OSGEPL1: variants seen among roughly 807,000 people sequenced by gnomAD.
The protein encoded by OSGEPL1 is tRNA N6-adenosine threonylcarbamoyltransferase, mitochondrial.
OSGEPL1 carries 26 observed loss-of-function variants against 37.2 expected under a neutral mutation model. The observed-to-expected ratio is 0.70, with a 90% CI of 0.51 to 0.97. OSGEPL1 has a LOEUF of 0.97. Ranked by LOEUF, OSGEPL1 falls within the 50% of genes least tolerant of loss-of-function variation. The pLI is 0.00. For synonymous variants in OSGEPL1, 140 were observed against 159.9 expected (o/e 0.88, Z 0.94); for missense variants, 404 against 487.0 (o/e 0.83, Z 1.60).
chr2:189,761,667 A>T lies in OSGEPL1; in HGVS notation c.-20-7T>A. ...CTTACTCTATAGATAATTCCTGAAA[A>T]AGAATTACAGAAACAACTTATTATT... On this transcript the variant is annotated splice_region_variant and splice_polypyrimidine_tract_variant and intron_variant, in intron 1 of 8. Transcript: ENST00000264151. The T allele has an allele frequency of 6.6e-7, 1 of 1,510,488 alleles. No individual in the cohort carries two copies. The highest frequency in any genetic ancestry group is 8.8e-7 in the Non-Finnish European group (1 of 1,133,522). 93.6% of individuals were successfully genotyped at this position (1,510,488 alleles called of 1,614,324 possible).
In OSGEPL1 at chr2:189,761,467, T is replaced by G; in HGVS notation, c.174A>C (p.Gly58=). ...AATGTATTGCTTCTCCCAACACATT[T>G]CCAGTTTCATCCACCACAGCAGCTG... The part of the protein sequence containing the change: ...DTAAAVVDET[G]NVLGEAIHSQ... The change falls in exon 2 of 9, where the codon GGA becomes GGC. Residue 58 remains glycine (G), a synonymous_variant. Coordinates refer to ENST00000264151, the MANE Select transcript of OSGEPL1 (RefSeq NM_022353.3). 1 of 1,612,598 alleles carries G rather than the reference T, an allele frequency of 6.2e-7. No individual in the cohort carries two copies. The highest frequency in any genetic ancestry group is 2.2e-5 in the East Asian group (1 of 44,692).
intron 2 of OSGEPL1, among the ~76,000 whole-genome samples, chr2:189,760,192 T>C (rs186076001): frequency 1.8e-3 from 280 of 152,342 alleles, no homozygotes; most frequent in African/African-American, 6.3e-3. Context: ...TGATCTCTCT[T>C]TCTTTTCCCC....
chr2:189,762,338 G>A (rs1310608304), intron 1 of OSGEPL1, among the ~76,000 whole-genome samples: 1 of 152,096 alleles, frequency 6.6e-6, no homozygotes, highest in African/African-American at 2.4e-5. Context: ...CAGATCATCC[G>A]TTCTAAAACT....
intron 2 of OSGEPL1, among the ~76,000 whole-genome samples, chr2:189,758,342 T>C (rs2046399776): frequency 6.6e-6 from 1 of 151,848 alleles, no homozygotes; most frequent in Admixed American, 6.6e-5. Flanking sequence ...GATTGCACCA[T>C]TGCACTCTGG....
At chr2:189,752,563 T>C (rs1277555105) in intron 7 of OSGEPL1, 90 bp downstream of exon 7, 3 of 1,209,816 alleles carry the variant, frequency 2.5e-6, no homozygotes, top group Non-Finnish European at 3.6e-6. Flanking sequence ...ACCACCAGAA[T>C]GTCAATGAAA....
chr2:189,748,794 G>T (rs1215130109), intron 8 of OSGEPL1, among the ~76,000 whole-genome samples: 1 of 152,166 alleles, frequency 6.6e-6, no homozygotes, highest in African/African-American at 2.4e-5. Context: ...TCTGAAACTG[G>T]TTTCAGGTAG....
In OSGEPL1 at chr2:189,746,950, C is replaced by G. The variant is rs962593492; in HGVS notation, c.*247G>C. On this transcript the variant is annotated 3_prime_UTR_variant, in exon 9 of 9. Coordinates refer to ENST00000264151, the MANE Select transcript of OSGEPL1 (RefSeq NM_022353.3). Reference sequence around the variant, plus strand: ...GTGCAAGAAGCCTGATTCAAAGTAGCTCACATGGTAACATTTATTGTAATA... The same window carrying G: ...GTGCAAGAAGCCTGATTCAAAGTAGGTCACATGGTAACATTTATTGTAATA... 5.8e-6 allele frequency: 1 copy of G among 172,168 alleles called. No homozygotes were observed. Among genetic ancestry groups the G allele is most frequent in the African/African-American group, 2.4e-5 (1 of 41,900 alleles). 10.7% of individuals were successfully genotyped at this position (172,168 alleles called of 1,614,324 possible).
At chr2:189,755,611 G>GA in intron 2 of OSGEPL1, 51 bp from the exon 3 acceptor site, 1 of 1,540,502 alleles carries the variant, frequency 6.5e-7, no homozygotes, top group Non-Finnish European at 8.7e-7. Flanking sequence ...TAAAAATGAA[G>GA]AAAAATGATA....
chr2:189,755,048 AT>A (rs2045898970), intron 3 of OSGEPL1, 124 bp downstream of exon 3: 4 of 1,170,874 alleles, frequency 3.4e-6, no homozygotes, highest in Non-Finnish European at 4.7e-6. Context: ...CCATATGTGA[AT>A]TTTTTTCAGT....
intron 2 of OSGEPL1, among the ~76,000 whole-genome samples, chr2:189,756,628 T>A (rs749490205): frequency 6.6e-5 from 10 of 152,336 alleles, no homozygotes; most frequent in Middle Eastern, 6.8e-3. Flanking sequence ...TCTCTTATAT[T>A]CCTCATCTTT....
intron 5 of OSGEPL1, 176 bp from the exon 6 acceptor site, chr2:189,753,155 T>A: frequency 2.2e-6 from 1 of 457,798 alleles, no homozygotes; most frequent in Non-Finnish European, 3.8e-6. Context: ...AAATTACTAA[T>A]AATTCTAATA....
chr2:189,750,635 T>C lies in OSGEPL1; in HGVS notation c.1188A>G (p.Ile396Met), dbSNP rs751727685. ...TGGAAGCTTCTCCAACTTCTTTTGA[T>C]ATGTCTACTCCAAGAGGACATCTAC... ...YEPKCPLGVD[I>M]SKEVGEASIK... Residue 396 changes from isoleucine to methionine, a missense_variant, in exon 8 of 9, where the codon ATA becomes ATG. Coordinates refer to ENST00000264151, the MANE Select transcript of OSGEPL1 (RefSeq NM_022353.3). 1 of 1,589,504 alleles carries C rather than the reference T, an allele frequency of 6.3e-7. No homozygotes were observed. The highest frequency in any genetic ancestry group is 1.2e-5 in the South Asian group (1 of 86,586).
intron 8 of OSGEPL1, 133 bp downstream of exon 8, chr2:189,750,417 T>C (rs1045603694): frequency 4.8e-5 from 24 of 494,922 alleles, no homozygotes; most frequent in African/African-American, 3.7e-4. Flanking sequence ...TAACACATTA[T>C]AGTATCTCAG....
At chr2:189,759,676 G>A (rs1163884827) in intron 2 of OSGEPL1, among the ~76,000 whole-genome samples, 1 of 152,112 alleles carries the variant, frequency 6.6e-6, no homozygotes, top group East Asian at 1.9e-4. Context: ...AAAATACCAG[G>A]CTTTTTCACT....
intron 1 of OSGEPL1, among the ~76,000 whole-genome samples, chr2:189,762,126 TTAACA>T (rs370109222): frequency 1.9e-3 from 281 of 151,808 alleles, no homozygotes; most frequent in African/African-American, 6.3e-3. Flanking sequence ...AAAACAAGAG[TTAACA>T]TAAACACACA....
At chr2:189,758,749 CT>C (rs2046478681) in intron 2 of OSGEPL1, among the ~76,000 whole-genome samples, 1 of 152,172 alleles carries the variant, frequency 6.6e-6, no homozygotes, top group African/African-American at 2.4e-5. Flanking sequence ...GACATGGCCC[CT>C]GTCACCTTGG....
intron 3 of OSGEPL1, 190 bp downstream of exon 3, chr2:189,754,983 A>G: frequency 1.5e-6 from 1 of 653,694 alleles, no homozygotes; most frequent in South Asian, 2.3e-5. Context: ...TTACCATTTT[A>G]TTAAGAAAGG....
At chr2:189,758,746 C>T (rs902783572) in intron 2 of OSGEPL1, among the ~76,000 whole-genome samples, 1 of 152,160 alleles carries the variant, frequency 6.6e-6, no homozygotes, top group Admixed American at 6.5e-5. Context: ...ATAGACATGG[C>T]CCCTGTCACC....
At chr2:189,763,084 T>G, upstream of OSGEPL1, 1 of 985,288 alleles carries the variant, frequency 1.0e-6, no homozygotes, top group South Asian at 4.7e-5. Flanking sequence ...TGGTTGCTAC[T>G]GTGAGAAAAG....
Sources: gnomAD v4.1 joint callset for allele counts (sites outside exome capture counted in the v4.1 genomes callset) on GRCh38, gnomAD v4.1.1 for gene constraint, MANE v1.5 for transcripts, NCBI Gene and HGNC (gene_info 2026-07-23, HGNC 2026-07-21) for gene names.